The following FAM168B variants were observed in gnomAD, a reference collection of about 807,000 sequenced individuals.
The protein encoded by FAM168B is myelin-associated neurite-outgrowth inhibitor.
In FAM168B, 19 loss-of-function variants were observed where a neutral mutation model predicts 21.8. That is an observed-to-expected ratio of 0.87 (90% CI 0.61 to 1.28). The LOEUF is 1.28. Ranked by LOEUF, FAM168B falls within the 50% of genes most tolerant of loss-of-function variation. The probability of loss-of-function intolerance (pLI) is 0.00; values close to 1 mark genes in which losing one functional copy is unlikely to be tolerated. For missense variants in FAM168B, 233 were observed against 263.1 expected, an observed-to-expected ratio of 0.89 and a Z score of 0.79; for synonymous variants, 126 against 104.8, an observed-to-expected ratio of 1.20 and a Z score of -1.24.
At chr2:131,062,608 T>C (rs528776124) in intron 3 of FAM168B, among the ~76,000 whole-genome samples, 8 of 152,276 alleles carry the variant, frequency 5.3e-5, no homozygotes, top group Admixed American at 3.3e-4. Flanking sequence ...CCACCATGCT[T>C]AGCTAATTTT....
rs182828543 is a variant in FAM168B at position 131,054,718 on chromosome 2, G to A, written c.475+554C>T. Among the ~76,000 whole-genome samples the A allele has an allele frequency of 1.1e-3, 164 of 152,276 alleles. 1 individual carries two copies. Among genetic ancestry groups the A allele is most frequent in the African/African-American group, 3.7e-3 (152 of 41,552 alleles). ...ATCAGATCAAACCCCCAGGGCTTCCGCGGAGATGTGCCCATCCCAGCCAGG... is the reference window on the plus strand; with the variant it reads ...ATCAGATCAAACCCCCAGGGCTTCCACGGAGATGTGCCCATCCCAGCCAGG... On this transcript the variant is annotated intron_variant, in intron 5 of 6. Coordinates refer to ENST00000389915, the MANE Select transcript of FAM168B (RefSeq NM_001009993.4).
chr2:131,058,183 GC>G (rs1692119496), intron 3 of FAM168B, among the ~76,000 whole-genome samples: 1 of 152,232 alleles, frequency 6.6e-6, no homozygotes, highest in South Asian at 2.1e-4. Context: ...AGAATGATTG[GC>G]CCCCTGGGAA....
intron 3 of FAM168B, among the ~76,000 whole-genome samples, chr2:131,070,148 C>T (rs112777971): frequency 1.1e-4 from 17 of 152,234 alleles, no homozygotes; most frequent in Admixed American, 7.2e-4. Flanking sequence ...TGAGCCACCG[C>T]GCCCAGCCTA....
chr2:131,053,964 G>C (rs1691853183), intron 5 of FAM168B, among the ~76,000 whole-genome samples: 1 of 152,216 alleles, frequency 6.6e-6, no homozygotes, highest in South Asian at 2.1e-4. Flanking sequence ...AGCACTCTGG[G>C]AGGCCGAGGC....
chr2:131,084,030 A>G (rs926100562), intron 1 of FAM168B, among the ~76,000 whole-genome samples: 2 of 151,592 alleles, frequency 1.3e-5, no homozygotes, highest in African/African-American at 4.9e-5. Flanking sequence ...AGCCTCCCGC[A>G]TAGCAGGGAC....
intron 2 of FAM168B, among the ~76,000 whole-genome samples, chr2:131,079,903 G>A (rs1693348629): frequency 6.6e-6 from 1 of 152,102 alleles, no homozygotes. Flanking sequence ...GATCACCTGA[G>A]GTCAGGAGTT....
At chr2:131,093,177 C>A (rs1694128397) in intron 1 of FAM168B, 37 bp downstream of exon 1, 1 of 150,628 alleles carries the variant, frequency 6.6e-6, no homozygotes, top group South Asian at 2.1e-4. Context: ...CACTTCCGGC[C>A]TGGACGCGCA....
At chr2:131,077,850 A>T (rs1693236468) in intron 2 of FAM168B, among the ~76,000 whole-genome samples, 1 of 151,986 alleles carries the variant, frequency 6.6e-6, no homozygotes. Context: ...TGAAACGCAG[A>T]GTTTTCCTTA....
At position 131,052,970 on chromosome 2, in the gene FAM168B, G is replaced by A. The variant is rs779466630; in HGVS notation, c.521C>T (p.Pro174Leu). The change falls in exon 6 of 7, where the codon CCG becomes CTG. Residue 174 changes from proline to leucine, a missense_variant. Pro to Leu is a moderately conservative substitution (Grantham distance 98). Coordinates refer to ENST00000389915, the MANE Select transcript of FAM168B (RefSeq NM_001009993.4). ...AHSPTPVAPH[P>L]VTVPTYRAPG... ...GGCCCGGTACGTGGGCACAGTGACCGGGTGGGGGGCGACAGGAGTTGGGGA... is the reference window on the plus strand; with the variant it reads ...GGCCCGGTACGTGGGCACAGTGACCAGGTGGGGGGCGACAGGAGTTGGGGA... 5.8e-6 allele frequency: 9 copies of A among 1,560,770 alleles called. No homozygotes were observed. The highest frequency in any genetic ancestry group is 7.8e-6 in the Non-Finnish European group (9 of 1,152,270).
At chr2:131,069,429 T>G (rs1226944733) in intron 3 of FAM168B, among the ~76,000 whole-genome samples, 2 of 152,028 alleles carry the variant, frequency 1.3e-5, no homozygotes, top group Non-Finnish European at 2.9e-5. Flanking sequence ...AACCTACAAG[T>G]GTAAAACTTC....
At chr2:131,091,226 C>A (rs1694003608) in intron 1 of FAM168B, among the ~76,000 whole-genome samples, 1 of 152,074 alleles carries the variant, frequency 6.6e-6, no homozygotes, top group Non-Finnish European at 1.5e-5. Flanking sequence ...GTAATCTCAG[C>A]TACTCCGGAG....
At chr2:131,074,451 C>G (rs1214864395) in intron 2 of FAM168B, among the ~76,000 whole-genome samples, 1 of 152,166 alleles carries the variant, frequency 6.6e-6, no homozygotes, top group Non-Finnish European at 1.5e-5. Flanking sequence ...CTATTTGGGG[C>G]ACACAGCCAA....
intron 3 of FAM168B, among the ~76,000 whole-genome samples, chr2:131,061,535 C>A (rs1329661612): frequency 6.6e-6 from 1 of 152,048 alleles, no homozygotes; most frequent in African/African-American, 2.4e-5. Context: ...AATCCCAGCA[C>A]TTTGGGAGGC....
chr2:131,063,029 A>G (rs1009064147), intron 3 of FAM168B, among the ~76,000 whole-genome samples: 4 of 152,252 alleles, frequency 2.6e-5, no homozygotes, highest in Admixed American at 2.0e-4. Context: ...GGATGGATGG[A>G]GTAATGTGTA....
intron 3 of FAM168B, among the ~76,000 whole-genome samples, chr2:131,071,455 C>T (rs1199221534): frequency 2.6e-5 from 4 of 152,168 alleles, no homozygotes; most frequent in African/African-American, 9.7e-5. Flanking sequence ...CTATACATTA[C>T]ATGGAAAATA....
rs1324154927 is a variant in FAM168B, at chr2:131,061,312, TAA to T, written c.155-5619_155-5618del. Among the ~76,000 whole-genome samples the T allele has an allele frequency of 2.3e-3, 307 of 131,862 alleles. 4 individuals carry two copies. Among genetic ancestry groups the T allele is most frequent in the Non-Finnish European group, 3.5e-3 (217 of 61,208 alleles). 86.5% of individuals were successfully genotyped at this position (131,862 alleles called of 152,430 possible). On this transcript the variant is annotated intron_variant, in intron 3 of 6. Transcript: ENST00000389915. ...CCAAAATTTAAAAAAAAAAAAAAAG[TAA>T]AAATAAGCAAGGTGAAAAGTATACA...
In FAM168B at chr2:131,051,473, A is replaced by G. The variant is rs1328157675; in HGVS notation, c.*992T>C. On this transcript the variant is annotated 3_prime_UTR_variant, in exon 7 of 7. Coordinates refer to ENST00000389915, the MANE Select transcript of FAM168B (RefSeq NM_001009993.4). ...CTACCTGTTTTCAGCTGATTCAAAC[A>G]TTTCTCCAGGAAAAAAAAAAAAAAA... The G allele has an allele frequency of 5.1e-6, 5 of 978,632 alleles. No individual in the cohort carries two copies. The East Asian group carries it at 4.6e-4, about 90-fold the overall frequency. The allele number at this position is 978,632 out of a possible 1,614,324, so 60.6% of individuals were successfully genotyped here. A position where few individuals can be genotyped will look rare whatever the true frequency, so the allele number is the denominator to read the frequency against.
chr2:131,071,808 T>C lies in FAM168B; in HGVS notation c.154+47A>G, dbSNP rs117362432. The C allele has an allele frequency of 1.4e-4, 217 of 1,557,560 alleles. No individual in the cohort carries two copies. The East Asian group carries it at 4.1e-3, about 29-fold the overall frequency. ...CCTCTCAAAATCCACCCCTTCACCT[T>C]TCTCTCCCAGCTGTACGTACAAAGC... On this transcript the variant is annotated intron_variant, in intron 3 of 6. Coordinates refer to ENST00000389915, the MANE Select transcript of FAM168B (RefSeq NM_001009993.4).
At chr2:131,071,489 A>G (rs1486410698) in intron 3 of FAM168B, among the ~76,000 whole-genome samples, 3 of 152,248 alleles carry the variant, frequency 2.0e-5, no homozygotes, top group Non-Finnish European at 4.4e-5. Context: ...AAATATTATC[A>G]GAGTGCTAAA....
Sources: gnomAD v4.1 joint callset for allele counts (sites outside exome capture counted in the v4.1 genomes callset) on GRCh38, gnomAD v4.1.1 for gene constraint, MANE v1.5 for transcripts, NCBI Gene and HGNC (gene_info 2026-07-23, HGNC 2026-07-21) for gene names.